The following GALNT17 variants were observed in gnomAD, a reference collection of about 807,000 sequenced individuals.
The protein encoded by GALNT17 is polypeptide N-acetylgalactosaminyltransferase 17.
A neutral mutation model predicts 63.7 loss-of-function variants in GALNT17; 29 were observed. The observed-to-expected ratio is 0.46, with a 90% confidence interval of 0.34 to 0.62. The LOEUF (loss-of-function observed/expected upper bound fraction) is 0.62. Ranked by LOEUF, GALNT17 falls within the 20% of genes least tolerant of loss-of-function variation. GALNT17 has a pLI of 0.01. For missense variants in GALNT17, 603 were observed against 799.6 expected, an observed-to-expected ratio of 0.75 and a Z score of 2.97; for synonymous variants, 305 against 318.3, an observed-to-expected ratio of 0.96 and a Z score of 0.45.
chr7:71,199,676 TCC>T (rs1562907990), intron 1 of GALNT17, among the ~76,000 whole-genome samples: 132 of 8,872 alleles, frequency 0.015, no homozygotes, highest in Non-Finnish European at 0.035. Flanking sequence ...CTTCCACCCA[TCC>T]ATCCATCCAT....
At chr7:71,305,048 A>G (rs910438085) in intron 1 of GALNT17, among the ~76,000 whole-genome samples, 3 of 152,238 alleles carry the variant, frequency 2.0e-5, no homozygotes, top group Non-Finnish European at 4.4e-5. Context: ...CTAGAAGCCT[A>G]GCAATTCTTT....
At chr7:71,543,369 A>G (rs1343029744) in intron 5 of GALNT17, among the ~76,000 whole-genome samples, 2 of 152,236 alleles carry the variant, frequency 1.3e-5, no homozygotes, top group Non-Finnish European at 2.9e-5. Flanking sequence ...ACCAGGAGAC[A>G]GGAGTCCAGC....
At chr7:71,530,310 C>T (rs903460516) in intron 5 of GALNT17, among the ~76,000 whole-genome samples, 6 of 152,032 alleles carry the variant, frequency 3.9e-5, no homozygotes, top group Non-Finnish European at 4.4e-5. Context: ...TCATAGTATT[C>T]GTGTATGTCT....
intron 1 of GALNT17, among the ~76,000 whole-genome samples, chr7:71,228,764 C>T (rs57346600): frequency 5.3e-5 from 8 of 152,078 alleles, no homozygotes; most frequent in Admixed American, 3.9e-4. Flanking sequence ...TTTTGGGCCC[C>T]TTTGGATAAT....
intron 6 of GALNT17, among the ~76,000 whole-genome samples, chr7:71,618,998 G>T (rs1790255482): frequency 6.6e-6 from 1 of 152,216 alleles, no homozygotes; most frequent in Non-Finnish European, 1.5e-5. Context: ...TATGGTCAAA[G>T]ATAAGGTTCC....
At chr7:71,711,130 C>CTATG (rs774420388) in intron 10 of GALNT17, among the ~76,000 whole-genome samples, 1 of 152,194 alleles carries the variant, frequency 6.6e-6, no homozygotes, top group Admixed American at 6.5e-5. Flanking sequence ...TTTCTGATTC[C>CTATG]TATGTCAGTG....
chr7:71,569,839 G>A (rs959387403), intron 5 of GALNT17, among the ~76,000 whole-genome samples: 4 of 152,072 alleles, frequency 2.6e-5, no homozygotes, highest in Admixed American at 6.6e-5. Context: ...TGCAATGAAC[G>A]TAGGAATACA....
chr7:71,457,199 G>A (rs934871923), intron 5 of GALNT17, among the ~76,000 whole-genome samples: 4 of 152,196 alleles, frequency 2.6e-5, no homozygotes, highest in East Asian at 3.8e-4. Flanking sequence ...ACCCTCTGAC[G>A]GAAAAGATCT....
intron 5 of GALNT17, among the ~76,000 whole-genome samples, chr7:71,555,291 A>G (rs1789144657): frequency 1.3e-5 from 2 of 151,872 alleles, no homozygotes; most frequent in South Asian, 4.2e-4. Context: ...GAACTTTCCC[A>G]TATGTCAGTA....
chr7:71,604,323 C>T (rs1790015494), intron 6 of GALNT17, among the ~76,000 whole-genome samples: 1 of 152,128 alleles, frequency 6.6e-6, no homozygotes, highest in South Asian at 2.1e-4. Context: ...ATGATAAGTG[C>T]ATTCACCAGA....
intron 1 of GALNT17, among the ~76,000 whole-genome samples, chr7:71,205,577 C>T (rs948404874): frequency 6.6e-6 from 1 of 152,126 alleles, no homozygotes; most frequent in East Asian, 1.9e-4. Flanking sequence ...CACGCTCCAC[C>T]ACACGCTTGA....
At chr7:71,705,855 C>G (rs577165498) in intron 9 of GALNT17, among the ~76,000 whole-genome samples, 1 of 152,094 alleles carries the variant, frequency 6.6e-6, no homozygotes, top group South Asian at 2.1e-4. Flanking sequence ...AGAAATACAC[C>G]TAGACAAAGA....
chr7:71,526,335 C>T (rs1788624228), intron 5 of GALNT17, among the ~76,000 whole-genome samples: 2 of 152,002 alleles, frequency 1.3e-5, no homozygotes, highest in African/African-American at 4.8e-5. Context: ...ACAGCCAATT[C>T]CTCACAAAGT....
intron 1 of GALNT17, among the ~76,000 whole-genome samples, chr7:71,277,628 C>G (rs1225169770): frequency 6.6e-6 from 1 of 152,216 alleles, no homozygotes; most frequent in Non-Finnish European, 1.5e-5. Context: ...GACACTGCCA[C>G]TGCGCAAACC....
At chr7:71,404,750 T>C (rs1160180684) in intron 3 of GALNT17, among the ~76,000 whole-genome samples, 5 of 152,330 alleles carry the variant, frequency 3.3e-5, no homozygotes. Context: ...TTGTATTGTT[T>C]AGAAGAGTTG....
chr7:71,542,861 A>T (rs1302879684), intron 5 of GALNT17, among the ~76,000 whole-genome samples: 1 of 152,076 alleles, frequency 6.6e-6, no homozygotes, highest in African/African-American at 2.4e-5. Flanking sequence ...CCTTCAGCCG[A>T]GGTTAATCAA....
At chr7:71,427,387 C>T (rs946282045) in intron 5 of GALNT17, among the ~76,000 whole-genome samples, 1 of 152,038 alleles carries the variant, frequency 6.6e-6, no homozygotes, top group African/African-American at 2.4e-5. Flanking sequence ...TGAGCCACCA[C>T]CACGCCTGGC....
At chr7:71,330,003 GTGTGTA>G (rs1228852156) in intron 1 of GALNT17, among the ~76,000 whole-genome samples, 98 of 77,290 alleles carry the variant, frequency 1.3e-3, no homozygotes, top group African/African-American at 5.3e-3. Context: ...ATACATATAT[GTGTGTA>G]TATATACATG....
intron 1 of GALNT17, among the ~76,000 whole-genome samples, chr7:71,214,117 G>A (rs1168324490): frequency 6.6e-6 from 1 of 152,156 alleles, no homozygotes; most frequent in Non-Finnish European, 1.5e-5. Context: ...CTTCCCATGA[G>A]TGCCCTTGGT....
Sources: gnomAD v4.1 joint callset for allele counts (sites outside exome capture counted in the v4.1 genomes callset) on GRCh38, gnomAD v4.1.1 for gene constraint, MANE v1.5 for transcripts, NCBI Gene and HGNC (gene_info 2026-07-23, HGNC 2026-07-21) for gene names.